Variants in SLC22A12 observed in about 807,000 individuals in gnomAD.
SLC22A12 encodes solute carrier family 22 member 12, also known as organic anion transporter 4-like protein.
SLC22A12 carries 56 observed loss-of-function variants against 52.7 expected under a neutral mutation model. The observed-to-expected ratio is 1.06, with a 90% confidence interval of 0.86 to 1.33. The LOEUF (loss-of-function observed/expected upper bound fraction) is 1.33. Ranked by LOEUF, SLC22A12 falls within the 40% of genes most tolerant of loss-of-function variation. The probability of loss-of-function intolerance (pLI) is 0.00; values close to 1 mark genes in which losing one functional copy is unlikely to be tolerated. For synonymous variants in SLC22A12, 337 were observed against 324.6 expected, an observed-to-expected ratio of 1.04 and a Z score of -0.41; for missense variants, 683 against 741.5, an observed-to-expected ratio of 0.92 and a Z score of 0.92.
chr11:64,591,313 C>A lies in SLC22A12; in HGVS notation c.-244C>A. Reference sequence around the variant, plus strand: ...GAGCAGCTGCCTCTCTGGGGAGATGCTGGAGGTCTCGGAATCACCTCACGC... The same window carrying A: ...GAGCAGCTGCCTCTCTGGGGAGATGATGGAGGTCTCGGAATCACCTCACGC... On this transcript the variant is annotated 5_prime_UTR_variant, in exon 1 of 10. In the 5' UTR this introduces an upstream ATG that the reference lacks. Transcript: ENST00000377574. 1.7e-6 allele frequency: 1 copy of A among 571,908 alleles called. No homozygotes were observed. Among genetic ancestry groups the A allele is most frequent in the South Asian group, 2.2e-5 (1 of 44,954 alleles). 35.4% of individuals were successfully genotyped at this position (571,908 alleles called of 1,614,324 possible).
rs561248777 is a variant in SLC22A12, at chr11:64,592,022, G to A, written c.402+64G>A. On this transcript the variant is annotated intron_variant, in intron 1 of 9. Coordinates refer to ENST00000377574, the MANE Select transcript of SLC22A12 (RefSeq NM_144585.4). ...TGGAGGTCAGTCATGGATCACGGTG[G>A]GTCAGACTCAAAGGTCCAGTCCTGG... 2.2e-5 allele frequency: 34 copies of A among 1,579,058 alleles called. No individual in the cohort carries two copies. In the South Asian group the frequency reaches 3.5e-4, roughly 16 times the overall value.
intron 4 of SLC22A12, among the ~76,000 whole-genome samples, chr11:64,594,216 G>T (rs1430318790): frequency 1.3e-5 from 2 of 152,216 alleles, no homozygotes; most frequent in Admixed American, 1.3e-4. Flanking sequence ...TACAACACAT[G>T]CCCGCACACA....
At position 64,591,793 on chromosome 11, in the gene SLC22A12, G is replaced by T. The variant is rs571307205; in HGVS notation, c.237G>T (p.Pro79=). ...PEALLAISIP[P]GPNQRPHQCR... is the part of the protein sequence containing the mutation. ...CCCTCCTGGCTATTTCCATCCCGCC[G>T]GGCCCCAACCAGAGGCCCCACCAGT... The change falls in exon 1 of 10, where the codon CCG becomes CCT. Residue 79 remains proline (P), a synonymous_variant. Transcript: ENST00000377574. 6.2e-7 allele frequency: 1 copy of T among 1,612,432 alleles called. No homozygotes were observed. Among genetic ancestry groups the T allele is most frequent in the Admixed American group, 1.7e-5 (1 of 60,022 alleles).
intron 4 of SLC22A12, among the ~76,000 whole-genome samples, chr11:64,596,963 A>G (rs944022611): frequency 1.3e-5 from 2 of 152,132 alleles, no homozygotes; most frequent in Non-Finnish European, 2.9e-5. Flanking sequence ...ACTACTGAGC[A>G]CCTACCATGT....
At chr11:64,595,048 G>GTGGATGGA (rs199516888) in intron 4 of SLC22A12, among the ~76,000 whole-genome samples, 36 of 51,276 alleles carry the variant, frequency 7.0e-4, no homozygotes, top group South Asian at 1.1e-3. Context: ...GGATGGATGG[G>GTGGATGGA]TGGATGGATG....
Position 64,600,545 on chromosome 11 carries a change from T to C in SLC22A12, c.1394+70T>C, listed in dbSNP as rs555264937. The C allele has an allele frequency of 6.3e-6, 9 of 1,424,012 alleles. No individual in the cohort carries two copies. The South Asian group carries it at 1.1e-4, about 18-fold the overall frequency. The allele number at this position is 1,424,012 out of a possible 1,614,324, so 88.2% of individuals were successfully genotyped here. On this transcript the variant is annotated intron_variant, in intron 8 of 9. Transcript: ENST00000377574. Reference sequence around the variant, plus strand: ...GCTGCGGGGCACCCCCAGGCAGGACTGGCTTCTCCCAGACCTAGATGTTCA... The same window carrying C: ...GCTGCGGGGCACCCCCAGGCAGGACCGGCTTCTCCCAGACCTAGATGTTCA...
At chr11:64,599,942 G>A (rs558566228) in intron 7 of SLC22A12, 52 bp downstream of exon 7, 30 of 1,572,166 alleles carry the variant, frequency 1.9e-5, no homozygotes, top group South Asian at 1.6e-4. Flanking sequence ...GGGGGGTCTC[G>A]GGCTGGGAAC....
intron 6 of SLC22A12, 125 bp downstream of exon 6, chr11:64,599,048 CCT>C: frequency 7.3e-7 from 1 of 1,366,466 alleles, no homozygotes; most frequent in Admixed American, 2.0e-5. Flanking sequence ...GACACCTTCC[CCT>C]CTGTCAGTCA....
intron 6 of SLC22A12, 45 bp downstream of exon 6, chr11:64,598,968 A>T: frequency 6.2e-7 from 1 of 1,604,644 alleles, no homozygotes; most frequent in Non-Finnish European, 8.5e-7. Context: ...GGAACCTGGA[A>T]TCGGGGCTCT....
chr11:64,593,014 C>T, intron 2 of SLC22A12, 132 bp downstream of exon 2: 2 of 792,362 alleles, frequency 2.5e-6, no homozygotes, highest in Admixed American at 2.2e-5. Context: ...GGGTGTGGGT[C>T]TCGGACCAGC....
Position 64,592,841 on chromosome 11 carries a change from G to A in SLC22A12, c.465G>A (p.Gly155=), listed in dbSNP as rs754404791. The A allele has an allele frequency of 3.1e-6, 5 of 1,613,982 alleles. No homozygotes were observed. The highest frequency in any genetic ancestry group is 4.2e-6 in the Non-Finnish European group (5 of 1,180,028). Residue 155 remains glycine (G), a synonymous_variant, in exon 2 of 10, where the codon GGG becomes GGA. Coordinates refer to ENST00000377574, the MANE Select transcript of SLC22A12 (RefSeq NM_144585.4). ...KPMAQSIYLA[G]ILVGAAACGP... is the part of the protein sequence containing the mutation. ...TGGCCCAGTCCATCTACCTGGCTGG[G>A]ATTCTGGTGGGAGCTGCTGCGTGCG...
In SLC22A12 at chr11:64,593,543, G is replaced by A; in HGVS notation, c.645G>A (p.Met215Ile). The A allele has an allele frequency of 1.2e-6, 2 of 1,614,208 alleles. No individual in the cohort carries two copies. The highest frequency in any genetic ancestry group is 1.1e-5 in the South Asian group (1 of 91,086). ...LLAFAVAGVM[M>I]NTGTLLMEWT... ...CCTTTGCCGTGGCAGGCGTCATGAT[G>A]AACACGGGCACTCTCCGTAGGTCTC... Residue 215 changes from methionine to isoleucine, a missense_variant, in exon 3 of 10, where the codon ATG (methionine) becomes ATA (isoleucine). Physicochemically the swap from Met to Ile is conservative, Grantham distance 10 (BLOSUM62 1). Coordinates refer to ENST00000377574, the MANE Select transcript of SLC22A12 (RefSeq NM_144585.4).
chr11:64,598,618 GCAGGACACC>G lies in SLC22A12; in HGVS notation c.935_943del (p.Gln312_Thr314del), dbSNP rs2039331980. The G allele has an allele frequency of 6.2e-7, 1 of 1,611,168 alleles. No individual in the cohort carries two copies. The highest frequency in any genetic ancestry group is 2.2e-5 in the East Asian group (1 of 44,818). On this transcript the variant is annotated inframe_deletion, in exon 5 of 10. Transcript: ENST00000377574. ...CTGCCATCAACGGAAAGGGGGCAGT[GCAGGACACC>G]CTGACCCCTGAGGTAAGGCTGGGTC... is the stretch of plus-strand genomic sequence containing the variant.
intron 4 of SLC22A12, among the ~76,000 whole-genome samples, chr11:64,596,613 A>G (rs1047214067): frequency 1.3e-5 from 2 of 152,194 alleles, no homozygotes; most frequent in African/African-American, 4.8e-5. Flanking sequence ...CACTAAGAAG[A>G]AGGCTGAGTC....
rs200104135 is a variant in SLC22A12 at position 64,600,740 on chromosome 11, C to A, written c.1400C>A (p.Thr467Lys). 1.9e-6 allele frequency: 3 copies of A among 1,604,646 alleles called. No individual in the cohort carries two copies. The South Asian group carries it at 3.3e-5, about 18-fold the overall frequency. ...SELFPTVLRM[T>K]AVGLGQMAAR... ...AGGTGCATCTGCATTGGCAGGATGA[C>A]GGCAGTGGGCTTGGGCCAGATGGCA... The change falls in exon 9 of 10, where the codon ACG (threonine) becomes AAG (lysine). Residue 467 changes from threonine to lysine, a missense_variant. Coordinates refer to ENST00000377574, the MANE Select transcript of SLC22A12 (RefSeq NM_144585.4).
rs200515227 is a variant in SLC22A12, at chr11:64,600,735, G to A, written c.1395G>A (p.Arg465=). Residue 465 remains arginine (R), a splice_region_variant and synonymous_variant, in exon 9 of 10, where the codon AGG becomes AGA. Transcript: ENST00000377574. The part of the protein sequence containing the change: ...YSSELFPTVL[R]MTAVGLGQMA... ...CTTATAGGTGCATCTGCATTGGCAG[G>A]ATGACGGCAGTGGGCTTGGGCCAGA... is the stretch of plus-strand genomic sequence containing the variant. 40 of 1,604,648 alleles carry A rather than the reference G, an allele frequency of 2.5e-5. No individual in the cohort carries two copies. Among genetic ancestry groups the A allele is most frequent in the East Asian group, 2.2e-4 (10 of 44,878 alleles).
chr11:64,601,051 C>A, intron 9 of SLC22A12, 113 bp downstream of exon 9: 1 of 1,371,618 alleles, frequency 7.3e-7, no homozygotes, highest in Non-Finnish European at 1.0e-6. Context: ...GAGGCCCAGA[C>A]AGATAGGATT....
rs748405094 is a variant in SLC22A12 at position 64,598,915 on chromosome 11, G to C, written c.1062G>C (p.Thr354=). 11 of 1,612,772 alleles carry C rather than the reference G, an allele frequency of 6.8e-6. No homozygotes were observed. The Admixed American group carries it at 1.2e-4, about 17-fold the overall frequency. ...TGCGCTTCCGGACCTGTATCTCCAC[G>C]TTGTGCTGGTAGATGCCCTTCCCCC... ...PGLRFRTCIS[T]LCWFAFGFTF... The change falls in exon 6 of 10, where the codon ACG becomes ACC. Residue 354 remains threonine, a synonymous_variant. Transcript: ENST00000377574.
At chr11:64,595,619 T>G (rs1384070109) in intron 4 of SLC22A12, among the ~76,000 whole-genome samples, 2 of 139,358 alleles carry the variant, frequency 1.4e-5, no homozygotes, top group African/African-American at 2.8e-5. Context: ...GTTGAATGGA[T>G]GGATAGATGG....
Sources: allele counts gnomAD v4.1 joint callset (sites outside exome capture counted in the v4.1 genomes callset), GRCh38; gene constraint gnomAD v4.1.1; transcripts MANE v1.5; gene names NCBI Gene and HGNC (gene_info 2026-07-23, HGNC 2026-07-21).